Variants in ECI1 observed in about 807,000 individuals in gnomAD.
ECI1 encodes enoyl-CoA delta isomerase 1, mitochondrial.
A neutral mutation model predicts 34.2 loss-of-function variants in ECI1; 34 were observed. That is an observed-to-expected ratio of 1.00 (90% CI 0.76 to 1.33). ECI1 has a LOEUF of 1.33. ECI1 is among the 40% of genes most tolerant of loss of function. The pLI is 0.00. For synonymous variants in ECI1, 211 were observed against 193.0 expected (o/e 1.09, Z -0.77); for missense variants, 456 against 422.2 (o/e 1.08, Z -0.70).
chr16:2,247,641 G>A (rs929056247), intron 2 of ECI1, among the ~76,000 whole-genome samples: 10 of 151,672 alleles, frequency 6.6e-5, no homozygotes, highest in African/African-American at 1.7e-4. Context: ...CAGGTGATCC[G>A]CTCGCCTCGG....
chr16:2,251,520 C>G lies in ECI1; in HGVS notation c.47G>C (p.Arg16Pro). 1 of 1,559,742 alleles carries G rather than the reference C, an allele frequency of 6.4e-7. No homozygotes were observed. The highest frequency in any genetic ancestry group is 1.4e-5 in the African/African-American group (1 of 73,400). The change falls in exon 1 of 7, where the codon CGC becomes CCC. Residue 16 changes from arginine (R) to proline (P), a missense_variant. Coordinates refer to ENST00000301729, the MANE Select transcript of ECI1 (RefSeq NM_001919.4). ...GCCCACCCCGGGTTTCGCACCCGCGCGGAGCAGAACGCGCGCCGGGACTCG... is the reference window on the plus strand; with the variant it reads ...GCCCACCCCGGGTTTCGCACCCGCGGGGAGCAGAACGCGCGCCGGGACTCG... ...SVRVPARVLL[R>P]AGARLPGAAL...
At chr16:2,248,157 C>T (rs1299393785) in intron 2 of ECI1, among the ~76,000 whole-genome samples, 6 of 151,908 alleles carry the variant, frequency 3.9e-5, no homozygotes, top group South Asian at 2.1e-4. Context: ...AGTGCAGTGG[C>T]GCGATCTCAG....
intron 3 of ECI1, among the ~76,000 whole-genome samples, chr16:2,245,636 T>A (rs1359027829): frequency 6.6e-6 from 1 of 152,054 alleles, no homozygotes; most frequent in Non-Finnish European, 1.5e-5. Flanking sequence ...GAGGCCAAGA[T>A]TGGAGAACTG....
rs774966359 is a variant in ECI1, at chr16:2,240,192, T to TG, written c.743-48dup. On this transcript the variant is annotated intron_variant, in intron 6 of 6. Coordinates refer to ENST00000301729, the MANE Select transcript of ECI1 (RefSeq NM_001919.4). ...ACTGAAATCCCACTTTCAGGGGCAG[T>TG]GGGGTGATTCCCAACTTATTTTTTA... The TG allele has an allele frequency of 2.5e-6, 4 of 1,596,786 alleles. No individual in the cohort carries two copies. The African/African-American group carries it at 5.4e-5, about 21-fold the overall frequency.
intron 6 of ECI1, 45 bp from the exon 7 acceptor site, chr16:2,240,190 A>G (rs1337870912): frequency 1.3e-6 from 2 of 1,599,722 alleles, no homozygotes; most frequent in Non-Finnish European, 1.7e-6. Context: ...TTTCAGGGGC[A>G]GTGGGGTGAT....
chr16:2,240,214 T>C, intron 6 of ECI1, 69 bp from the exon 7 acceptor site: 2 of 1,525,968 alleles, frequency 1.3e-6, no homozygotes, highest in Non-Finnish European at 1.8e-6. Flanking sequence ...CAACTTATTT[T>C]TTATTTTTAT....
intron 4 of ECI1, chr16:2,244,070 C>T (rs2093534496): frequency 2.0e-5 from 8 of 401,014 alleles, no homozygotes; most frequent in Non-Finnish European, 3.8e-5. Flanking sequence ...GGCCTTCCCC[C>T]AGAAGGGATG....
intron 3 of ECI1, among the ~76,000 whole-genome samples, chr16:2,245,727 A>G (rs1477894622): frequency 1.3e-5 from 2 of 152,000 alleles, no homozygotes; most frequent in African/African-American, 4.8e-5. Flanking sequence ...TAAGCAAAAA[A>G]ATTAACCAGG....
At chr16:2,246,156 C>T (rs988524637) in intron 3 of ECI1, among the ~76,000 whole-genome samples, 6 of 152,224 alleles carry the variant, frequency 3.9e-5, no homozygotes, top group Non-Finnish European at 5.9e-5. Flanking sequence ...CTGCTTACTG[C>T]CCCTCGGCGA....
chr16:2,247,078 G>A (rs1399106526), intron 2 of ECI1, 92 bp from the exon 3 acceptor site: 2 of 1,437,598 alleles, frequency 1.4e-6, no homozygotes, highest in Non-Finnish European at 1.9e-6. Flanking sequence ...TGATAGCTGT[G>A]CATTTTGGGG....
intron 2 of ECI1, 84 bp downstream of exon 2, chr16:2,251,232 G>A: frequency 3.6e-6 from 2 of 554,222 alleles, no homozygotes; most frequent in Middle Eastern, 6.9e-4. Context: ...GTCGACAGAC[G>A]TGGTTCTCCG....
intron 2 of ECI1, among the ~76,000 whole-genome samples, chr16:2,249,599 C>T (rs1269191686): frequency 6.6e-6 from 1 of 150,720 alleles, no homozygotes; most frequent in Non-Finnish European, 1.5e-5. Context: ...AAGCCGGGCG[C>T]GGTGGCTCAC....
chr16:2,247,460 C>A (rs768453212), intron 2 of ECI1, among the ~76,000 whole-genome samples: 2 of 152,018 alleles, frequency 1.3e-5, no homozygotes, highest in African/African-American at 4.8e-5. Context: ...TGCAATGGAG[C>A]GATCTTGGCT....
intron 2 of ECI1, among the ~76,000 whole-genome samples, chr16:2,251,045 C>T (rs1426154752): frequency 6.6e-6 from 1 of 152,216 alleles, no homozygotes; most frequent in Non-Finnish European, 1.5e-5. Context: ...ATCTCGAACT[C>T]CTGACCTCAG....
At chr16:2,240,694 ATTATTTAT>A (rs889905068) in intron 6 of ECI1, 4 of 152,402 alleles carry the variant, frequency 2.6e-5, no homozygotes, top group African/African-American at 9.7e-5. Context: ...CTAATTTTGT[ATTATTTAT>A]TTATTTATTT....
intron 3 of ECI1, among the ~76,000 whole-genome samples, chr16:2,246,096 T>C (rs1322255349): frequency 6.6e-6 from 1 of 152,102 alleles, no homozygotes; most frequent in South Asian, 2.1e-4. Flanking sequence ...TCCCCTCACC[T>C]CAGCCAATGC....
At position 2,243,425 on chromosome 16, in the gene ECI1, A is replaced by T. The variant is rs200824272; in HGVS notation, c.456T>A (p.Ala152=). 10 of 1,613,162 alleles carry T rather than the reference A, an allele frequency of 6.2e-6. No homozygotes were observed. The highest frequency in any genetic ancestry group is 8.5e-7 in the Non-Finnish European group (1 of 1,180,004). ...AGGTCAGGGCCACCAGGCAGCCTCC[A>T]GCGGGGCAGGCTCCCTGCAGGGAGA... ...LVSAINGACP[A]GGCLVALTCD... Residue 152 remains alanine (A), a synonymous_variant, in exon 5 of 7, where the codon GCT becomes GCA. Transcript: ENST00000301729.
Position 2,239,814 on chromosome 16 carries a change from G to A in ECI1, c.*165C>T. The A allele has an allele frequency of 1.4e-6, 1 of 732,270 alleles. No individual in the cohort carries two copies. The highest frequency in any genetic ancestry group is 2.1e-5 in the Admixed American group (1 of 47,346). 45.4% of individuals were successfully genotyped at this position (732,270 alleles called of 1,614,324 possible). On this transcript the variant is annotated 3_prime_UTR_variant, in exon 7 of 7. Coordinates refer to ENST00000301729, the MANE Select transcript of ECI1 (RefSeq NM_001919.4). ...GGCACAGGCACCCATGTGTGTTTGT[G>A]TGTGGCTGGGCCTTGGGCCACTGGG...
intron 4 of ECI1, chr16:2,244,108 A>C (rs965246039): frequency 4.1e-6 from 2 of 487,698 alleles, no homozygotes; most frequent in African/African-American, 3.9e-5. Context: ...TGTGGGTCCG[A>C]TCACCCACTC....
Sources: gnomAD v4.1 joint callset for allele counts (sites outside exome capture counted in the v4.1 genomes callset) on GRCh38, gnomAD v4.1.1 for gene constraint, MANE v1.5 for transcripts, NCBI Gene and HGNC (gene_info 2026-07-23, HGNC 2026-07-21) for gene names.